ALS2CL: variants seen among roughly 807,000 people sequenced by gnomAD.
The protein encoded by ALS2CL is ALS2 C-terminal-like protein.
In ALS2CL, 112 loss-of-function variants were observed where a neutral mutation model predicts 127.9. The ratio of observed to expected loss-of-function variants is 0.88; its 90% CI spans 0.75 to 1.02. ALS2CL has a LOEUF of 1.02. ALS2CL is among the 50% of genes least tolerant of loss of function. ALS2CL has a pLI of 0.00. For missense variants in ALS2CL, 1,174 were observed against 1,236.7 expected (o/e 0.95, Z 0.76); for synonymous variants, 519 against 527.6 (o/e 0.98, Z 0.22).
In ALS2CL at chr3:46,670,968, T is replaced by A. The variant is rs1698334664; in HGVS notation, c.*16A>T. On this transcript the variant is annotated 3_prime_UTR_variant, in exon 26 of 26. Transcript: ENST00000318962. The surrounding 1 kb of genome is among the most constrained non-coding windows in gnomAD (Gnocchi z 5.5). Reference sequence around the variant, plus strand: ...GTGCCCTGCTCAGCTCTTCAGTCTGTCCAGGAAAGGCCAGGCTACCAGAGC... The same window carrying A: ...GTGCCCTGCTCAGCTCTTCAGTCTGACCAGGAAAGGCCAGGCTACCAGAGC... The A allele has an allele frequency of 6.2e-7, 1 of 1,610,144 alleles. No individual in the cohort carries two copies. Among genetic ancestry groups the A allele is most frequent in the African/African-American group, 1.3e-5 (1 of 74,826 alleles).
At chr3:46,673,111 A>G (rs1698537835) in intron 22 of ALS2CL, among the ~76,000 whole-genome samples, 1 of 152,192 alleles carries the variant, frequency 6.6e-6, no homozygotes, top group South Asian at 2.1e-4. Flanking sequence ...AGCCTCTTGC[A>G]CACGGTCACA....
Position 46,681,980 on chromosome 3 carries a change from C to T in ALS2CL, c.1175+49G>A, listed in dbSNP as rs1348800986. The stretch of plus-strand genomic sequence containing the variant: ...GTGACCACAGCAGGGGAGGAAAGCA[C>T]CCTTCAGCCCACTGCACGCCTCCCA... On this transcript the variant is annotated intron_variant, in intron 11 of 25. Transcript: ENST00000318962. The surrounding 1 kb of genome is among the most constrained non-coding windows in gnomAD (Gnocchi z 4.9). The T allele has an allele frequency of 6.3e-7, 1 of 1,596,974 alleles. No individual in the cohort carries two copies. Among genetic ancestry groups the T allele is most frequent in the East Asian group, 2.2e-5 (1 of 44,546 alleles).
At chr3:46,679,418 A>C in intron 14 of ALS2CL, 131 bp from the exon 15 acceptor site, 1 of 785,028 alleles carries the variant, frequency 1.3e-6, no homozygotes, top group Non-Finnish European at 2.1e-6. Flanking sequence ...GAGCCTCATC[A>C]CGCCCCACAG....
chr3:46,679,179 G>C (rs1699118212), intron 15 of ALS2CL, 31 bp downstream of exon 15: 2 of 1,539,318 alleles, frequency 1.3e-6, no homozygotes, highest in African/African-American at 1.4e-5. Context: ...GGCCTTGGCA[G>C]GGTGTGGAGG....
rs1699918826 is a variant in ALS2CL at position 46,688,113 on chromosome 3, A to C, written c.287T>G (p.Leu96Arg). 6.2e-7 allele frequency: 1 copy of C among 1,613,132 alleles called. No homozygotes were observed. Among genetic ancestry groups the C allele is most frequent in the Non-Finnish European group, 8.5e-7 (1 of 1,179,998 alleles). Residue 96 changes from leucine (L) to arginine (R), a missense_variant, in exon 3 of 26, where the codon CTG becomes CGG. Coordinates refer to ENST00000318962, the MANE Select transcript of ALS2CL (RefSeq NM_147129.5). ...LLLLRGADRV[L>R]QAHIEYIESY... ...GTGGTCTTACTCTATGTGGGCCTGC[A>C]GTACACGGTCAGCACCTCGCAGCAG...
Position 46,686,605 on chromosome 3 carries a change from C to T in ALS2CL, c.535-166G>A, listed in dbSNP as rs537579355. Among the ~76,000 whole-genome samples, 2 of 152,244 alleles carry T rather than the reference C, an allele frequency of 1.3e-5. No individual in the cohort carries two copies. Among genetic ancestry groups the T allele is most frequent in the East Asian group, 3.9e-4 (2 of 5,164 alleles). On this transcript the variant is annotated intron_variant, in intron 5 of 25. Transcript: ENST00000318962. The surrounding 1 kb of genome is among the most constrained non-coding windows in gnomAD (Gnocchi z 4.3). ...GGGCAGGGGGTGGAATATGAAGGTG[C>T]TTCCCCAGCTTGGCCCTGGGCCCAC... is the stretch of plus-strand genomic sequence containing the variant.
chr3:46,677,471 G>T, intron 16 of ALS2CL: 2 of 874,408 alleles, frequency 2.3e-6, no homozygotes, highest in Non-Finnish European at 2.8e-6. Flanking sequence ...ATGGAGCCCT[G>T]CACTCCAGTG....
chr3:46,689,756 C>T (rs1380198650), intron 1 of ALS2CL, among the ~76,000 whole-genome samples: 1 of 152,224 alleles, frequency 6.6e-6, no homozygotes, highest in African/African-American at 2.4e-5. Flanking sequence ...GTTTGGCCTG[C>T]TCATTCCTCT....
At chr3:46,688,364 G>A in intron 2 of ALS2CL, 68 bp from the exon 3 acceptor site, 4 of 1,475,630 alleles carry the variant, frequency 2.7e-6, no homozygotes, top group Non-Finnish European at 3.7e-6. Flanking sequence ...AACATGCACA[G>A]GCCCCAGGTG....
intron 7 of ALS2CL, 129 bp downstream of exon 7, chr3:46,685,396 T>C: frequency 6.8e-7 from 1 of 1,460,776 alleles, no homozygotes; most frequent in African/African-American, 1.4e-5. Context: ...CACAACGCCT[T>C]TCTATCCCTG....
Position 46,673,356 on chromosome 3 carries a change from T to G in ALS2CL, c.2455A>C (p.Thr819Pro). Residue 819 changes from threonine (T) to proline (P), a missense_variant, in exon 22 of 26, where the codon ACG (threonine) becomes CCG (proline). Transcript: ENST00000318962. Reference protein sequence around the residue: ...QKHLWPLKDLTLTSNQRYSLV... With the variant: ...QKHLWPLKDLPLTSNQRYSLV... ...CCTCTCACCTGATTGCTCGTCAGCG[T>G]GAGGTCCTTGAGGGGCCACAAGTGC... 2 of 1,565,062 alleles carry G rather than the reference T, an allele frequency of 1.3e-6. No homozygotes were observed. Among genetic ancestry groups the G allele is most frequent in the Non-Finnish European group, 1.7e-6 (2 of 1,154,474 alleles).
chr3:46,678,730 G>A (rs140880462), intron 15 of ALS2CL, among the ~76,000 whole-genome samples: 126 of 152,328 alleles, frequency 8.3e-4, no homozygotes, highest in South Asian at 4.4e-3. Flanking sequence ...TGAGGAGGGC[G>A]GTGTCTTGCC....
At position 46,682,417 on chromosome 3, in the gene ALS2CL, C is replaced by G. The variant is rs1699425795; in HGVS notation, c.1110-323G>C. On this transcript the variant is annotated intron_variant, in intron 10 of 25. Coordinates refer to ENST00000318962, the MANE Select transcript of ALS2CL (RefSeq NM_147129.5). ...AATCAAGCTCAAGTTTAATGCTGGT[C>G]TGTGGGGTTTCTACCACCCTCCTCC... Among the ~76,000 whole-genome samples, 2 of 152,228 alleles carry G rather than the reference C, an allele frequency of 1.3e-5. 1 individual carries two copies. The highest frequency in any genetic ancestry group is 4.1e-4 in the South Asian group (2 of 4,832).
chr3:46,674,742 G>C lies in ALS2CL; in HGVS notation c.2256-3C>G. ...CCAATCCATGCACCTGGAGGTCCCT[G>C]ATGGGGAGACCGGAACAGGTTGGGA... On this transcript the variant is annotated splice_region_variant and splice_polypyrimidine_tract_variant and intron_variant, in intron 20 of 25. Coordinates refer to ENST00000318962, the MANE Select transcript of ALS2CL (RefSeq NM_147129.5). 1 of 1,604,988 alleles carries C rather than the reference G, an allele frequency of 6.2e-7. No homozygotes were observed.
chr3:46,672,110 G>T lies in ALS2CL; in HGVS notation c.2534+30C>A, dbSNP rs545930278. The T allele has an allele frequency of 1.2e-4, 197 of 1,614,082 alleles. 3 individuals are homozygous for T. The South Asian group carries it at 2.1e-3, about 17-fold the overall frequency. ...AGGAGCACCCCACACTCTGCCTCCG[G>T]ACCCCCAACCCACTACGGCTCACAC... is the stretch of plus-strand genomic sequence containing the variant. On this transcript the variant is annotated intron_variant, in intron 23 of 25. Transcript: ENST00000318962.
intron 14 of ALS2CL, chr3:46,680,214 C>T (rs1699206822): frequency 1.8e-6 from 1 of 566,760 alleles, no homozygotes; most frequent in South Asian, 2.2e-5. Flanking sequence ...ACCTGAGTTG[C>T]TGATGGGGAA....
chr3:46,690,324 C>T (rs1700079739), intron 1 of ALS2CL, among the ~76,000 whole-genome samples: 1 of 152,198 alleles, frequency 6.6e-6, no homozygotes, highest in African/African-American at 2.4e-5. Context: ...GTCCCCTAAC[C>T]AGACAGAGGG....
rs776790484 is a variant in ALS2CL, at chr3:46,671,917, A to ATGG, written c.2650_2651insCCA (p.Leu884delinsProMet). 1 of 1,613,928 alleles carries ATGG rather than the reference A, an allele frequency of 6.2e-7. No individual in the cohort carries two copies. Among genetic ancestry groups the ATGG allele is most frequent in the East Asian group, 2.2e-5 (1 of 44,842 alleles). On this transcript the variant is annotated protein_altering_variant, in exon 24 of 26. Transcript: ENST00000318962. Reference sequence around the variant, plus strand: ...CGACACCACGTAGATGAGAAGTGGCAGCAGGTCGTCCATGGGCAGCTTGTA... The same window carrying ATGG: ...CGACACCACGTAGATGAGAAGTGGCATGGGCAGGTCGTCCATGGGCAGCTTGTA...
In ALS2CL at chr3:46,690,837, C is replaced by T. The variant is rs72899357; in HGVS notation, c.-25-1372G>A. Among the ~76,000 whole-genome samples, 1,213 of 152,310 alleles carry T rather than the reference C, an allele frequency of 8.0e-3. 15 individuals are homozygous for T. Among genetic ancestry groups the T allele is most frequent in the African/African-American group, 0.027 (1,137 of 41,564 alleles). Reference sequence around the variant, plus strand: ...CAGCCCTCCCCTCTCCACCCTGCCCCGAGAGTGCCATGCGGGCATCCCAGG... The same window carrying T: ...CAGCCCTCCCCTCTCCACCCTGCCCTGAGAGTGCCATGCGGGCATCCCAGG... On this transcript the variant is annotated intron_variant, in intron 1 of 25. Coordinates refer to ENST00000318962, the MANE Select transcript of ALS2CL (RefSeq NM_147129.5).
Sources: gnomAD v4.1 joint callset for allele counts (sites outside exome capture counted in the v4.1 genomes callset) on GRCh38, gnomAD v4.1.1 for gene constraint, Gnocchi (gnomAD v3.1) non-coding constraint, MANE v1.5 for transcripts, NCBI Gene and HGNC (gene_info 2026-07-23, HGNC 2026-07-21) for gene names.